Variants in TRAPPC9 observed in about 807,000 individuals in gnomAD.
TRAPPC9 encodes the protein trafficking protein particle complex subunit 9, also known as IKK2 binding protein.
TRAPPC9 carries 83 observed loss-of-function variants against 124.0 expected under a neutral mutation model. The ratio of observed to expected loss-of-function variants is 0.67; its 90% CI spans 0.56 to 0.80. The LOEUF (loss-of-function observed/expected upper bound fraction) is 0.80, where lower values mean the gene tolerates loss of function less well. Ranked by LOEUF, TRAPPC9 falls within the 30% of genes least tolerant of loss-of-function variation. TRAPPC9 has a pLI of 0.00. For synonymous variants in TRAPPC9, 638 were observed against 617.5 expected (o/e 1.03, Z -0.49); for missense variants, 1,302 against 1,508.3 (o/e 0.86, Z 2.27).
chr8:139,988,978 A>G (rs761456802), intron 18 of TRAPPC9, 142 bp from the exon 19 acceptor site: 4 of 697,660 alleles, frequency 5.7e-6, no homozygotes, highest in Non-Finnish European at 1.0e-5. Flanking sequence ...GGCTCAGAGG[A>G]TTACGGAGAC....
At chr8:139,870,468 G>A (rs543343384) in intron 21 of TRAPPC9, among the ~76,000 whole-genome samples, 28 of 152,254 alleles carry the variant, frequency 1.8e-4, no homozygotes, top group African/African-American at 6.7e-4. Context: ...CATATTTCAC[G>A]AGGATATTTG....
At chr8:140,446,371 T>C (rs1289286538) in intron 2 of TRAPPC9, among the ~76,000 whole-genome samples, 7 of 137,314 alleles carry the variant, frequency 5.1e-5, no homozygotes, top group African/African-American at 1.9e-4. Flanking sequence ...GTCTGTACAA[T>C]AGCTAAGGTT....
At chr8:140,386,219 T>C (rs1158725631) in intron 7 of TRAPPC9, among the ~76,000 whole-genome samples, 2 of 152,198 alleles carry the variant, frequency 1.3e-5, no homozygotes, top group African/African-American at 4.8e-5. Flanking sequence ...TCATACTGAA[T>C]GGGCAAAAAC....
At position 140,193,235 on chromosome 8, in the gene TRAPPC9, G is replaced by A. The variant is rs1298162645; in HGVS notation, c.2556+28224C>T. Among the ~76,000 whole-genome samples the A allele has an allele frequency of 2.0e-5, 3 of 152,204 alleles. No homozygotes were observed. In the East Asian group the frequency reaches 5.8e-4, roughly 29 times the overall value. On this transcript the variant is annotated intron_variant, in intron 17 of 22. Coordinates refer to ENST00000438773, the MANE Select transcript of TRAPPC9 (RefSeq NM_001160372.4). ...TCATCAATCTAAAATGTGAAAATGT[G>A]TTCTGAAGTGCTTTTCTACTGGAGA...
chr8:139,774,406 G>A (rs1489565112), intron 21 of TRAPPC9, among the ~76,000 whole-genome samples: 1 of 152,168 alleles, frequency 6.6e-6, no homozygotes, highest in Non-Finnish European at 1.5e-5. Context: ...ACGGGTGCGT[G>A]CAAGTGTGTG....
At chr8:140,164,770 C>T (rs1427803525) in intron 17 of TRAPPC9, among the ~76,000 whole-genome samples, 1 of 152,196 alleles carries the variant, frequency 6.6e-6, no homozygotes, top group African/African-American at 2.4e-5. Context: ...AAGTCAGGAA[C>T]CAAAATCCAC....
rs186596178 is a variant in TRAPPC9 at position 140,443,231 on chromosome 8, C to T, written c.585-4034G>A. ...CGGGCAGATCACAAAGTCAGGAGATCGAGACCATCCTGGCTAACATGATGA... is the reference window on the plus strand; with the variant it reads ...CGGGCAGATCACAAAGTCAGGAGATTGAGACCATCCTGGCTAACATGATGA... On this transcript the variant is annotated intron_variant, in intron 2 of 22. Transcript: ENST00000438773. Among the ~76,000 whole-genome samples the T allele has an allele frequency of 4.4e-3, 602 of 136,592 alleles. 2 individuals are homozygous for T. Among genetic ancestry groups the T allele is most frequent in the Non-Finnish European group, 5.8e-3 (373 of 64,170 alleles). The allele number at this position is 136,592 out of a possible 152,430, so 89.6% of individuals were successfully genotyped here. A position where few individuals can be genotyped will look rare whatever the true frequency, so the allele number is the denominator to read the frequency against.
intron 17 of TRAPPC9, chr8:140,040,176 C>A (rs1056971274): frequency 1.6e-4 from 25 of 152,544 alleles, no homozygotes; most frequent in African/African-American, 6.0e-4. Flanking sequence ...CCACCACCAA[C>A]TACTTACCAC....
chr8:139,952,527 C>A (rs1587326112), intron 19 of TRAPPC9, among the ~76,000 whole-genome samples: 1 of 152,174 alleles, frequency 6.6e-6, no homozygotes, highest in Non-Finnish European at 1.5e-5. Flanking sequence ...CTCGGGTCAC[C>A]AGAGGGCTCT....
intron 7 of TRAPPC9, among the ~76,000 whole-genome samples, chr8:140,378,766 G>C (rs1399514763): frequency 1.3e-5 from 2 of 152,120 alleles, no homozygotes; most frequent in Non-Finnish European, 2.9e-5. Context: ...CCAAGTCTGG[G>C]CAGGTCTAAG....
chr8:140,240,786 C>A (rs1450915791), intron 16 of TRAPPC9, among the ~76,000 whole-genome samples: 1 of 152,190 alleles, frequency 6.6e-6, no homozygotes, highest in African/African-American at 2.4e-5. Context: ...GTGATCCTCC[C>A]ACCTCTGCCT....
At chr8:140,179,761 T>C (rs777066960) in intron 17 of TRAPPC9, among the ~76,000 whole-genome samples, 2 of 152,098 alleles carry the variant, frequency 1.3e-5, no homozygotes. Flanking sequence ...ATTGGGTGTA[T>C]ACACATTTTG....
intron 20 of TRAPPC9, among the ~76,000 whole-genome samples, chr8:139,890,102 G>T (rs913026579): frequency 6.6e-6 from 1 of 152,246 alleles, no homozygotes; most frequent in Non-Finnish European, 1.5e-5. Flanking sequence ...AGGAAGCAGC[G>T]CCCTGCAGCT....
At chr8:140,435,047 A>T in intron 4 of TRAPPC9, 65 bp downstream of exon 4, 1 of 1,612,242 alleles carries the variant, frequency 6.2e-7, no homozygotes, top group Non-Finnish European at 8.5e-7. Context: ...GGAAAAAGTA[A>T]CAAATGAGTC....
chr8:139,966,937 G>C (rs2614729), intron 19 of TRAPPC9, among the ~76,000 whole-genome samples: 133,928 of 152,254 alleles, frequency 0.88, 59,082 homozygotes, highest in East Asian at 0.99. Context: ...TCAACTGTAA[G>C]ATGACATATT....
intron 17 of TRAPPC9, among the ~76,000 whole-genome samples, chr8:140,193,435 A>G (rs1432842935): frequency 6.6e-6 from 1 of 152,142 alleles, no homozygotes; most frequent in Non-Finnish European, 1.5e-5. Flanking sequence ...CTAGCTTCTT[A>G]CCTGAGTCAG....
At chr8:140,222,823 C>T (rs1171711515) in intron 16 of TRAPPC9, among the ~76,000 whole-genome samples, 1 of 152,150 alleles carries the variant, frequency 6.6e-6, no homozygotes, top group African/African-American at 2.4e-5. Context: ...CACAGACTTC[C>T]AGTGTAAACC....
At chr8:140,426,730 A>G (rs1000496357) in intron 4 of TRAPPC9, 89 bp from the exon 5 acceptor site, 2 of 1,271,054 alleles carry the variant, frequency 1.6e-6, no homozygotes, top group African/African-American at 2.9e-5. Flanking sequence ...TAATTCACAT[A>G]GCCTAGAGAA....
At chr8:139,996,405 G>A (rs895566408) in intron 18 of TRAPPC9, among the ~76,000 whole-genome samples, 2 of 152,090 alleles carry the variant, frequency 1.3e-5, no homozygotes, top group East Asian at 3.9e-4. Context: ...CAAGACCATG[G>A]GTTGGGGGTG....
Sources: allele counts gnomAD v4.1 joint callset (sites outside exome capture counted in the v4.1 genomes callset), GRCh38; gene constraint gnomAD v4.1.1; transcripts MANE v1.5; gene names NCBI Gene and HGNC (gene_info 2026-07-23, HGNC 2026-07-21).